The following ATXN7L1 variants were observed in gnomAD, a reference collection of about 807,000 sequenced individuals.
The protein encoded by ATXN7L1 is ataxin 7 like 1, also known as ataxin-7-like protein 1.
ATXN7L1 carries 15 observed loss-of-function variants against 70.8 expected under a neutral mutation model. That is an observed-to-expected ratio of 0.21 (90% CI 0.14 to 0.33). The LOEUF (loss-of-function observed/expected upper bound fraction) is 0.33. Among genes scored for constraint, ATXN7L1 ranks in the 10% least tolerant of loss-of-function variants. The pLI is 1.00. For missense variants in ATXN7L1, 975 were observed against 1,097.1 expected (o/e 0.89, Z 1.57); for synonymous variants, 440 against 445.1 (o/e 0.99, Z 0.14).
intron 3 of ATXN7L1, among the ~76,000 whole-genome samples, chr7:105,695,190 G>T (rs1379493991): frequency 6.6e-6 from 1 of 152,198 alleles, no homozygotes; most frequent in Non-Finnish European, 1.5e-5. Flanking sequence ...GGGAGGCTGA[G>T]GCAGGAGAAT....
At chr7:105,616,592 A>C (rs149867721) in intron 9 of ATXN7L1, among the ~76,000 whole-genome samples, 4 of 152,324 alleles carry the variant, frequency 2.6e-5, no homozygotes, top group African/African-American at 9.6e-5. Context: ...TACTTGTTGC[A>C]ATGAATGAAT....
intron 7 of ATXN7L1, among the ~76,000 whole-genome samples, chr7:105,631,248 G>GGAAC (rs1351491932): frequency 6.6e-6 from 1 of 152,186 alleles, no homozygotes; most frequent in Non-Finnish European, 1.5e-5. Flanking sequence ...GGCTGGAGAA[G>GGAAC]TATTAACTAA....
At chr7:105,845,550 A>G (rs1813904963) in intron 2 of ATXN7L1, among the ~76,000 whole-genome samples, 1 of 148,382 alleles carries the variant, frequency 6.7e-6, no homozygotes, top group Admixed American at 6.7e-5. Flanking sequence ...TGACAAAGTA[A>G]TCCTAAAATT....
intron 3 of ATXN7L1, among the ~76,000 whole-genome samples, chr7:105,727,461 G>T (rs1355274417): frequency 6.6e-6 from 1 of 151,834 alleles, no homozygotes; most frequent in Admixed American, 6.6e-5. Flanking sequence ...GTGAGGTCAG[G>T]AGTTCAAGAC....
At chr7:105,872,135 G>T (rs555481217) in intron 2 of ATXN7L1, among the ~76,000 whole-genome samples, 2 of 152,162 alleles carry the variant, frequency 1.3e-5, no homozygotes, top group South Asian at 2.1e-4. Flanking sequence ...TGGGACTACA[G>T]GTGCGTGCCA....
chr7:105,689,789 T>C (rs1032679840), intron 3 of ATXN7L1, among the ~76,000 whole-genome samples: 22 of 152,268 alleles, frequency 1.4e-4, no homozygotes, highest in Non-Finnish European at 1.2e-4. Context: ...GAAGGTCCGA[T>C]GGATCATGTC....
chr7:105,860,355 C>T (rs1816438766), intron 2 of ATXN7L1, among the ~76,000 whole-genome samples: 1 of 151,986 alleles, frequency 6.6e-6, no homozygotes, highest in Non-Finnish European at 1.5e-5. Flanking sequence ...ATGTCTGTGA[C>T]TCTGCACCCC....
At chr7:105,838,742 G>T (rs932616760) in intron 2 of ATXN7L1, among the ~76,000 whole-genome samples, 3 of 152,086 alleles carry the variant, frequency 2.0e-5, no homozygotes, top group African/African-American at 7.2e-5. Context: ...CCCAAACAAG[G>T]GCCCAGAGCA....
intron 3 of ATXN7L1, among the ~76,000 whole-genome samples, chr7:105,731,419 C>T (rs1157484453): frequency 6.7e-6 from 1 of 149,102 alleles, no homozygotes; most frequent in Non-Finnish European, 1.5e-5. Context: ...CCTTAACCTA[C>T]ATTACTTCTT....
intron 4 of ATXN7L1, among the ~76,000 whole-genome samples, chr7:105,661,158 T>A (rs1449749993): frequency 6.6e-6 from 1 of 152,182 alleles, no homozygotes; most frequent in Non-Finnish European, 1.5e-5. Flanking sequence ...CAGGCCTGTA[T>A]CCAGACTGTT....
Position 105,751,653 on chromosome 7 carries a change from C to A in ATXN7L1, c.355+36951G>T, listed in dbSNP as rs1308768197. Among the ~76,000 whole-genome samples, 4 of 152,052 alleles carry A rather than the reference C, an allele frequency of 2.6e-5. No individual in the cohort carries two copies. In the East Asian group the frequency reaches 7.7e-4, roughly 29 times the overall value. ...CCTGTCTCAAAGAAAAAAAAAAAGT[C>A]TCACCTTCAGATTGGTCATTTGATA... On this transcript the variant is annotated intron_variant, in intron 3 of 11. Coordinates refer to ENST00000419735, the MANE Select transcript of ATXN7L1 (RefSeq NM_020725.2).
intron 5 of ATXN7L1, among the ~76,000 whole-genome samples, chr7:105,640,570 G>A (rs1015175208): frequency 8.5e-5 from 13 of 152,112 alleles, no homozygotes; most frequent in Admixed American, 7.2e-4. Flanking sequence ...GTCTCGCTCC[G>A]TTACCCAGGC....
intron 3 of ATXN7L1, among the ~76,000 whole-genome samples, chr7:105,726,235 T>C (rs2539824): frequency 0.74 from 112,506 of 152,120 alleles, 43,288 homozygotes; most frequent in East Asian, 1. Flanking sequence ...AGCAGCACAG[T>C]GAATTATAAG....
intron 3 of ATXN7L1, among the ~76,000 whole-genome samples, chr7:105,734,034 G>C (rs1797113587): frequency 6.6e-6 from 1 of 151,908 alleles, no homozygotes; most frequent in African/African-American, 2.4e-5. Flanking sequence ...ATTTAAGATA[G>C]TATTTGGCAC....
At chr7:105,730,114 G>T (rs1796365746) in intron 3 of ATXN7L1, among the ~76,000 whole-genome samples, 1 of 152,172 alleles carries the variant, frequency 6.6e-6, no homozygotes, top group Admixed American at 6.5e-5. Context: ...CAGGGCAGGA[G>T]AGGCTGTGGG....
chr7:105,794,997 C>T (rs1805782489), intron 2 of ATXN7L1, among the ~76,000 whole-genome samples: 1 of 152,204 alleles, frequency 6.6e-6, no homozygotes, highest in Non-Finnish European at 1.5e-5. Context: ...CCATCACATT[C>T]ACGTTATCAG....
intron 2 of ATXN7L1, among the ~76,000 whole-genome samples, chr7:105,838,141 T>C (rs1184508566): frequency 1.3e-5 from 2 of 152,104 alleles, no homozygotes; most frequent in African/African-American, 4.8e-5. Context: ...TGTTCTAACA[T>C]AATCCTGCCC....
intron 4 of ATXN7L1, among the ~76,000 whole-genome samples, chr7:105,651,216 C>A (rs1469491505): frequency 6.6e-6 from 1 of 152,204 alleles, no homozygotes; most frequent in East Asian, 1.9e-4. Context: ...CCCTGCCTAA[C>A]TTATCTCAGG....
chr7:105,651,495 C>T (rs547334977), intron 4 of ATXN7L1, among the ~76,000 whole-genome samples: 9 of 152,272 alleles, frequency 5.9e-5, no homozygotes, highest in African/African-American at 1.9e-4. Flanking sequence ...CTGGTCCCAC[C>T]GTGGAAGGAG....
Sources: gnomAD v4.1 joint callset for allele counts (sites outside exome capture counted in the v4.1 genomes callset) on GRCh38, gnomAD v4.1.1 for gene constraint, MANE v1.5 for transcripts, NCBI Gene and HGNC (gene_info 2026-07-23, HGNC 2026-07-21) for gene names.